SNX29: variants seen among roughly 807,000 people sequenced by gnomAD.
The protein encoded by SNX29 is sorting nexin-29.
SNX29 carries 78 observed loss-of-function variants against 102.1 expected under a neutral mutation model. That is an observed-to-expected ratio of 0.76 (90% CI 0.64 to 0.92). The LOEUF is 0.92. Ranked by LOEUF, SNX29 falls within the 40% of genes least tolerant of loss-of-function variation. The probability of loss-of-function intolerance (pLI) is 0.00; values close to 1 mark genes in which losing one functional copy is unlikely to be tolerated. For synonymous variants in SNX29, 580 were observed against 414.5 expected, an observed-to-expected ratio of 1.40 and a Z score of -4.85; for missense variants, 1,280 against 1,061.7, an observed-to-expected ratio of 1.21 and a Z score of -2.86.
intron 19 of SNX29, among the ~76,000 whole-genome samples, chr16:12,478,169 C>G (rs181297465): frequency 2.0e-5 from 3 of 152,202 alleles, no homozygotes; most frequent in Admixed American, 2.0e-4. Flanking sequence ...CAAATACTCA[C>G]CTCTGCTGGG....
intron 18 of SNX29, among the ~76,000 whole-genome samples, chr16:12,444,645 A>G (rs563988954): frequency 6.6e-6 from 1 of 152,172 alleles, no homozygotes; most frequent in East Asian, 1.9e-4. Context: ...GACTTTTTGA[A>G]CAAGGGAGAG....
intron 10 of SNX29, 117 bp downstream of exon 10, chr16:12,069,249 C>CT: frequency 2.4e-6 from 2 of 821,756 alleles, no homozygotes; most frequent in Non-Finnish European, 3.8e-6. Context: ...CAAGGGTTTA[C>CT]TTCACATTTA....
chr16:12,314,424 G>C (rs2080665118), intron 15 of SNX29, among the ~76,000 whole-genome samples: 3 of 152,240 alleles, frequency 2.0e-5, no homozygotes, highest in Admixed American at 2.0e-4. Context: ...AGACAGCTCA[G>C]GCTGGACTCT....
Position 12,572,962 on chromosome 16 carries a change from G to C in SNX29, c.*4333G>C, listed in dbSNP as rs571456003. On this transcript the variant is annotated 3_prime_UTR_variant, in exon 21 of 21. Coordinates refer to ENST00000566228, the MANE Select transcript of SNX29 (RefSeq NM_032167.5). ...GCATCTGCTTATGAGCAAGGTCAAA[G>C]ATTTTTCAAAATATTGTGCATTAAT... is the stretch of plus-strand genomic sequence containing the variant. 121 of 614,342 alleles carry C rather than the reference G, an allele frequency of 2.0e-4. 1 individual carries two copies. In the African/African-American group the frequency reaches 2.1e-3, roughly 11 times the overall value. The allele number at this position is 614,342 out of a possible 1,614,324, so 38.1% of individuals were successfully genotyped here.
At chr16:12,183,132 T>G (rs2141847750) in intron 13 of SNX29, among the ~76,000 whole-genome samples, 1 of 152,206 alleles carries the variant, frequency 6.6e-6, no homozygotes, top group South Asian at 2.1e-4. Context: ...CCCAAGTAGC[T>G]GGGAGCACGG....
rs1075844 is a variant in SNX29 at position 12,568,729 on chromosome 16, A to T, written c.*100A>T. The T allele has an allele frequency of 2.7e-6, 4 of 1,493,968 alleles. No homozygotes were observed. The highest frequency in any genetic ancestry group is 3.6e-6 in the Non-Finnish European group (4 of 1,119,468). The allele number at this position is 1,493,968 out of a possible 1,614,324, so 92.5% of individuals were successfully genotyped here. The stretch of plus-strand genomic sequence containing the variant: ...TCACCTCAGCGTGACAACCACGTCC[A>T]CCTGGTGATCCTGAGAGCACACGAT... On this transcript the variant is annotated 3_prime_UTR_variant, in exon 21 of 21. Coordinates refer to ENST00000566228, the MANE Select transcript of SNX29 (RefSeq NM_032167.5).
intron 20 of SNX29, among the ~76,000 whole-genome samples, chr16:12,547,857 C>G (rs149853856): frequency 1.2e-3 from 189 of 152,274 alleles, no homozygotes; most frequent in African/African-American, 4.5e-3. Flanking sequence ...TGGAGTTTAG[C>G]AAAATGAGCC....
intron 20 of SNX29, among the ~76,000 whole-genome samples, chr16:12,558,488 G>GC (rs1265675380): frequency 6.6e-6 from 1 of 152,190 alleles, no homozygotes; most frequent in Admixed American, 6.5e-5. Context: ...TAAGCACAGT[G>GC]CATCTTTAGT....
At chr16:12,350,750 C>T (rs539373615) in intron 15 of SNX29, among the ~76,000 whole-genome samples, 1 of 152,180 alleles carries the variant, frequency 6.6e-6, no homozygotes, top group Non-Finnish European at 1.5e-5. Flanking sequence ...ACCAGTGGCT[C>T]TCAACTCTGA....
At position 12,417,684 on chromosome 16, in the gene SNX29, C is replaced by T. The variant is rs111389286; in HGVS notation, c.2037+14155C>T. ...CCCTTCCTCCTCTTACTGCCTCTCT[C>T]CTGTTCTGTGTCCTCTCTTCTCTTT... On this transcript the variant is annotated intron_variant, in intron 18 of 20. Coordinates refer to ENST00000566228, the MANE Select transcript of SNX29 (RefSeq NM_032167.5). Among the ~76,000 whole-genome samples, 923 of 152,154 alleles carry T rather than the reference C, an allele frequency of 6.1e-3. 13 individuals carry two copies. Among genetic ancestry groups the T allele is most frequent in the African/African-American group, 0.022 (905 of 41,504 alleles).
intron 13 of SNX29, among the ~76,000 whole-genome samples, chr16:12,194,979 C>T (rs940279139): frequency 2.2e-4 from 33 of 152,182 alleles, no homozygotes; most frequent in African/African-American, 6.7e-4. Context: ...TAGTAAAGTG[C>T]ATTGTTGAAA....
chr16:12,527,056 T>C (rs1048334430), intron 20 of SNX29: 3 of 417,916 alleles, frequency 7.2e-6, no homozygotes, highest in African/African-American at 6.0e-5. Context: ...GAATTTTGAC[T>C]ACATGTTGGT....
At chr16:12,361,334 T>C (rs868362358) in intron 16 of SNX29, among the ~76,000 whole-genome samples, 2 of 152,194 alleles carry the variant, frequency 1.3e-5, no homozygotes, top group Non-Finnish European at 1.5e-5. Flanking sequence ...CAGTGTCAGG[T>C]GGTAAATGGT....
At chr16:12,123,875 A>G (rs1021532200) in intron 11 of SNX29, among the ~76,000 whole-genome samples, 1 of 152,208 alleles carries the variant, frequency 6.6e-6, no homozygotes, top group Non-Finnish European at 1.5e-5. Flanking sequence ...AGACTTGAAC[A>G]GTACAGAAGT....
chr16:12,436,707 C>A (rs985420639), intron 18 of SNX29, among the ~76,000 whole-genome samples: 1 of 152,214 alleles, frequency 6.6e-6, no homozygotes, highest in Non-Finnish European at 1.5e-5. Flanking sequence ...CCCTGTGGCC[C>A]AGGCTGGAGT....
chr16:12,303,789 T>C (rs1283276765), intron 15 of SNX29, among the ~76,000 whole-genome samples: 3 of 152,238 alleles, frequency 2.0e-5, no homozygotes, highest in African/African-American at 7.2e-5. Flanking sequence ...TTAGATGTTC[T>C]GGAAGCATTG....
intron 20 of SNX29, among the ~76,000 whole-genome samples, chr16:12,535,834 G>C (rs1248614130): frequency 2.0e-5 from 3 of 152,108 alleles, no homozygotes; most frequent in Admixed American, 6.5e-5. Flanking sequence ...TGGCCTCTCA[G>C]TGCTTAGATC....
chr16:12,116,647 C>G (rs1459327372), intron 11 of SNX29, among the ~76,000 whole-genome samples: 1 of 152,224 alleles, frequency 6.6e-6, no homozygotes, highest in African/African-American at 2.4e-5. Flanking sequence ...ATACTCCAGC[C>G]TGGGCCACGG....
At chr16:12,125,605 C>CTCTTTTTTT (rs2054175978) in intron 11 of SNX29, among the ~76,000 whole-genome samples, 1 of 45,406 alleles carries the variant, frequency 2.2e-5, no homozygotes, top group Non-Finnish European at 4.1e-5. Flanking sequence ...TGAGATCTCT[C>CTCTTTTTTT]TTTTTTTTTT....
Sources: allele counts gnomAD v4.1 joint callset (sites outside exome capture counted in the v4.1 genomes callset), GRCh38; gene constraint gnomAD v4.1.1; transcripts MANE v1.5; gene names NCBI Gene and HGNC (gene_info 2026-07-23, HGNC 2026-07-21).